The following NBAS variants were observed in gnomAD, a reference collection of about 807,000 sequenced individuals.
NBAS encodes NAG/BC035112 fusion.
In NBAS, 219 loss-of-function variants were observed where a neutral mutation model predicts 302.5. That is an observed-to-expected ratio of 0.72 (90% CI 0.65 to 0.81). The LOEUF (loss-of-function observed/expected upper bound fraction) is 0.81, where lower values mean the gene tolerates loss of function less well. NBAS is among the 30% of genes least tolerant of loss of function. NBAS has a pLI of 0.00. For synonymous variants in NBAS, 1,118 were observed against 1,021.6 expected (o/e 1.09, Z -1.80); for missense variants, 2,932 against 2,841.6 (o/e 1.03, Z -0.72).
intron 41 of NBAS, among the ~76,000 whole-genome samples, chr2:15,288,314 C>T (rs9287656): frequency 0.3 from 45,228 of 152,022 alleles, 8,418 homozygotes; most frequent in African/African-American, 0.53. Flanking sequence ...TTAAATATAG[C>T]GGTGGTAGAG....
chr2:15,234,139 G>C (rs1210531366), intron 46 of NBAS, among the ~76,000 whole-genome samples: 1 of 152,010 alleles, frequency 6.6e-6, no homozygotes, highest in Non-Finnish European at 1.5e-5. Context: ...CCTTGCCTTG[G>C]GTTTTTCAAA....
chr2:15,092,265 A>C, the NBAS span, among the ~76,000 whole-genome samples: 1 of 152,216 alleles, frequency 6.6e-6, no homozygotes, highest in African/African-American at 2.4e-5. Context: ...CCCAGTTTCC[A>C]TTGTTGAACT....
intron 38 of NBAS, among the ~76,000 whole-genome samples, chr2:15,320,970 C>G (rs913844717): frequency 2.4e-4 from 37 of 152,184 alleles, no homozygotes; most frequent in Non-Finnish European, 5.0e-4. Context: ...AAGCTGGAAG[C>G]ATTACGTTAC....
At chr2:15,188,378 T>C (rs1665186430) in intron 49 of NBAS, among the ~76,000 whole-genome samples, 1 of 152,210 alleles carries the variant, frequency 6.6e-6, no homozygotes, top group Non-Finnish European at 1.5e-5. Context: ...ACTCCTTTTT[T>C]GGTGATTTAT....
chr2:14,919,347 A>T, the NBAS span, among the ~76,000 whole-genome samples: 1 of 152,222 alleles, frequency 6.6e-6, no homozygotes, highest in South Asian at 2.1e-4. Flanking sequence ...GCTAAAAAAT[A>T]CTAGTGATTA....
the NBAS span, among the ~76,000 whole-genome samples, chr2:15,118,134 C>T: frequency 2.7e-4 from 41 of 152,296 alleles, no homozygotes; most frequent in Non-Finnish European, 5.3e-4. Context: ...AAGCCTATCT[C>T]GACCGTGTCA....
At chr2:15,001,816 C>T in the NBAS span, among the ~76,000 whole-genome samples, 66 of 152,192 alleles carry the variant, frequency 4.3e-4, no homozygotes, top group South Asian at 1.5e-3. Flanking sequence ...TGCAGACCTT[C>T]GCGGTGAGTG....
chr2:14,907,092 C>T, the NBAS span, among the ~76,000 whole-genome samples: 3 of 152,188 alleles, frequency 2.0e-5, no homozygotes, highest in African/African-American at 7.2e-5. Context: ...TCCTGCGTTT[C>T]TTCACCACTA....
At chr2:15,229,551 G>A (rs990986935) in intron 47 of NBAS, among the ~76,000 whole-genome samples, 9 of 151,970 alleles carry the variant, frequency 5.9e-5, no homozygotes, top group Non-Finnish European at 7.4e-5. Context: ...GGAGGCCGAC[G>A]TGGGTGGATC....
chr2:15,201,759 T>C (rs1386538980), intron 48 of NBAS, among the ~76,000 whole-genome samples: 1 of 152,210 alleles, frequency 6.6e-6, no homozygotes, highest in African/African-American at 2.4e-5. Flanking sequence ...ATTCTCCCTT[T>C]TCTATGGAAC....
chr2:15,058,047 G>A, the NBAS span, among the ~76,000 whole-genome samples: 1 of 152,190 alleles, frequency 6.6e-6, no homozygotes, highest in Non-Finnish European at 1.5e-5. Context: ...ATTCCTTAAA[G>A]AACTAAAAGT....
chr2:15,403,616 C>T (rs1676257242), intron 25 of NBAS, among the ~76,000 whole-genome samples: 1 of 152,096 alleles, frequency 6.6e-6, no homozygotes, highest in African/African-American at 2.4e-5. Flanking sequence ...CATTGTGTAT[C>T]AGGGACTTGA....
chr2:14,873,731 C>T, the NBAS span, among the ~76,000 whole-genome samples: 1 of 145,668 alleles, frequency 6.9e-6, no homozygotes, highest in South Asian at 2.1e-4. Flanking sequence ...TTTAAAATAA[C>T]CTGTAGGTCC....
intron 30 of NBAS, among the ~76,000 whole-genome samples, chr2:15,378,074 T>C (rs1001269218): frequency 2.6e-5 from 4 of 152,186 alleles, no homozygotes; most frequent in African/African-American, 9.6e-5. Flanking sequence ...CTAGAGACCA[T>C]AGCCACCTTA....
At chr2:15,168,427 C>A (rs1664136443) in intron 51 of NBAS, among the ~76,000 whole-genome samples, 1 of 152,164 alleles carries the variant, frequency 6.6e-6, no homozygotes, top group Admixed American at 6.5e-5. Flanking sequence ...TGCCCACTAT[C>A]GGATAGCGTG....
chr2:15,356,573 C>A (rs1188233661), intron 32 of NBAS, among the ~76,000 whole-genome samples, 157 bp from the exon 33 acceptor site: 4 of 152,116 alleles, frequency 2.6e-5, no homozygotes, highest in Non-Finnish European at 5.9e-5. Context: ...ACCTTTCAAT[C>A]CACTTATGAA....
chr2:15,300,343 C>T (rs946612946), intron 40 of NBAS, among the ~76,000 whole-genome samples: 10 of 152,182 alleles, frequency 6.6e-5, no homozygotes, highest in African/African-American at 2.4e-4. Context: ...ATTGAAACCA[C>T]TTTGATTTCA....
At chr2:15,392,804 A>C (rs1461351555) in intron 28 of NBAS, among the ~76,000 whole-genome samples, 3 of 152,032 alleles carry the variant, frequency 2.0e-5, no homozygotes, top group Admixed American at 6.5e-5. Context: ...CCTATAATAA[A>C]CAAAACAACT....
chr2:15,444,717 A>T (rs1678630064), intron 21 of NBAS, among the ~76,000 whole-genome samples: 4 of 151,112 alleles, frequency 2.6e-5, no homozygotes, highest in Admixed American at 2.6e-4. Context: ...GTGAACAGGC[A>T]ACCTACAAAA....
Sources: allele counts gnomAD v4.1 joint callset (sites outside exome capture counted in the v4.1 genomes callset), GRCh38; gene constraint gnomAD v4.1.1; transcripts MANE v1.5; gene names NCBI Gene and HGNC (gene_info 2026-07-23, HGNC 2026-07-21).